Variants in DSG2 observed in about 807,000 individuals in gnomAD.
DSG2 encodes the protein desmoglein 2.
Under a neutral mutation model 75.6 loss-of-function variants are expected in DSG2, and 45 were observed. The observed-to-expected ratio is 0.60, with a 90% CI of 0.47 to 0.76. DSG2 has a LOEUF of 0.76. Ranked by LOEUF, DSG2 falls within the 30% of genes least tolerant of loss-of-function variation. The pLI is 0.00. For missense variants in DSG2, 1,267 were observed against 1,357.4 expected, an observed-to-expected ratio of 0.93 and a Z score of 1.05; for synonymous variants, 429 against 483.9, an observed-to-expected ratio of 0.89 and a Z score of 1.49.
At position 31,542,846 on chromosome 18, in the gene DSG2, C is replaced by A. The variant is rs771104668; in HGVS notation, c.2328C>A (p.Phe776Leu). 127 of 1,473,558 alleles carry A rather than the reference C, an allele frequency of 8.6e-5. No individual in the cohort carries two copies. The highest frequency in any genetic ancestry group is 1.1e-4 in the Non-Finnish European group (123 of 1,101,774). 91.3% of individuals were successfully genotyped at this position (1,473,558 alleles called of 1,614,324 possible). A position where few individuals can be genotyped will look rare whatever the true frequency, so the allele number is the denominator to read the frequency against. ...ACGAAGAATTCTTAAGAAATTATTT[C>A]ACTGATGTAAGGATGAGTTTTATGT... ...ALNEEFLRNY[F>L]TDKAASYTEE... is the part of the protein sequence containing the mutation. Residue 776 changes from phenylalanine to leucine, a missense_variant, in exon 14 of 15, where the codon TTC (phenylalanine) becomes TTA (leucine). By Grantham distance (22) the Phe-to-Leu change is conservative (BLOSUM62 0). Coordinates refer to ENST00000261590, the MANE Select transcript of DSG2 (RefSeq NM_001943.5).
At chr18:31,539,273 G>C (rs1050939912) in intron 12 of DSG2, among the ~76,000 whole-genome samples, 2 of 152,168 alleles carry the variant, frequency 1.3e-5, no homozygotes, top group Non-Finnish European at 2.9e-5. Context: ...GCAGCATGCT[G>C]TCTGTTCTCT....
intron 1 of DSG2, among the ~76,000 whole-genome samples, chr18:31,516,016 T>C (rs1175986188): frequency 6.6e-6 from 1 of 152,146 alleles, no homozygotes; most frequent in African/African-American, 2.4e-5. Context: ...GTCCAGTGAA[T>C]TAATGCATAA....
intron 1 of DSG2, among the ~76,000 whole-genome samples, chr18:31,515,465 C>T (rs1362163834): frequency 6.6e-6 from 1 of 152,092 alleles, no homozygotes; most frequent in Non-Finnish European, 1.5e-5. Context: ...CTCTCTGATC[C>T]AGGCACTGAT....
intron 11 of DSG2, among the ~76,000 whole-genome samples, chr18:31,537,598 G>A (rs905855935): frequency 7.3e-5 from 11 of 150,910 alleles, no homozygotes; most frequent in Non-Finnish European, 7.4e-5. Flanking sequence ...CAGCCTGGGT[G>A]ACAGAGCAAG....
chr18:31,531,600 C>T (rs988331591), intron 9 of DSG2, among the ~76,000 whole-genome samples: 5 of 152,178 alleles, frequency 3.3e-5, no homozygotes, highest in South Asian at 2.1e-4. Flanking sequence ...AGGGTGAGAA[C>T]GTAGCAGATA....
intron 10 of DSG2, among the ~76,000 whole-genome samples, chr18:31,535,832 C>CTGTACT (rs2073226707): frequency 6.6e-6 from 1 of 151,702 alleles, no homozygotes; most frequent in South Asian, 2.1e-4. Flanking sequence ...GTCTGTAGTC[C>CTGTACT]CAGCTACTCA....
rs2072994226 is a variant in DSG2, at chr18:31,498,267, G to A, written c.16G>A (p.Gly6Arg). 1 of 1,263,136 alleles carries A rather than the reference G, an allele frequency of 7.9e-7. No individual in the cohort carries two copies. Among genetic ancestry groups the A allele is most frequent in the Non-Finnish European group, 1.0e-6 (1 of 1,000,124 alleles). The allele number at this position is 1,263,136 out of a possible 1,614,324, so 78.2% of individuals were successfully genotyped here. ...CGAGGGTGCGATGGCGCGGAGCCCG[G>A]GACGCGCGTACGCCCTGCTGCTTCT... MARSP[G>R]RAYALLLLLI... The change falls in exon 1 of 15, where the codon GGA becomes AGA. Residue 6 changes from glycine (G) to arginine (R), a missense_variant. Transcript: ENST00000261590.
At chr18:31,545,515 A>G (rs2073298422) in intron 14 of DSG2, among the ~76,000 whole-genome samples, 1 of 151,724 alleles carries the variant, frequency 6.6e-6, no homozygotes, top group Non-Finnish European at 1.5e-5. Flanking sequence ...CTGCCTTTCT[A>G]TTTTTTCCCT....
chr18:31,511,994 A>G (rs532878986), intron 1 of DSG2, among the ~76,000 whole-genome samples: 5 of 152,192 alleles, frequency 3.3e-5, no homozygotes, highest in Admixed American at 6.5e-5. Context: ...AAGAAAAGAA[A>G]CATTACATTA....
chr18:31,529,232 C>T (rs1296454502), intron 8 of DSG2, among the ~76,000 whole-genome samples: 1 of 152,118 alleles, frequency 6.6e-6, no homozygotes, highest in Non-Finnish European at 1.5e-5. Context: ...ACACAGCGCT[C>T]TTGATACTGA....
At chr18:31,504,031 C>G (rs2073026865) in intron 1 of DSG2, among the ~76,000 whole-genome samples, 1 of 152,150 alleles carries the variant, frequency 6.6e-6, no homozygotes, top group Non-Finnish European at 1.5e-5. Context: ...TGTCTGGACC[C>G]TCTTTTTGAA....
intron 11 of DSG2, among the ~76,000 whole-genome samples, chr18:31,537,385 C>G (rs1011968606): frequency 6.6e-6 from 1 of 151,978 alleles, no homozygotes; most frequent in Non-Finnish European, 1.5e-5. Flanking sequence ...TTTGGGAGGC[C>G]AAGGCAGGCG....
chr18:31,502,148 A>G (rs1335409746), intron 1 of DSG2, among the ~76,000 whole-genome samples: 1 of 152,332 alleles, frequency 6.6e-6, no homozygotes, highest in Non-Finnish European at 1.5e-5. Flanking sequence ...ACAAAGAGAT[A>G]TGAGCATTCA....
rs1255608052 is a variant in DSG2 at position 31,524,433 on chromosome 18, T to C, written c.691-15T>C. 14 of 1,614,034 alleles carry C rather than the reference T, an allele frequency of 8.7e-6. No individual in the cohort carries two copies. Among genetic ancestry groups the C allele is most frequent in the Non-Finnish European group, 1.2e-5 (14 of 1,180,008 alleles). ...ACTCTTTTCACCCAGCTGGACATTT[T>C]TCATTGCTCTGCAGGAACACAGCAG... On this transcript the variant is annotated splice_polypyrimidine_tract_variant and intron_variant, in intron 6 of 14. Coordinates refer to ENST00000261590, the MANE Select transcript of DSG2 (RefSeq NM_001943.5).
Position 31,520,866 on chromosome 18 carries a change from A to G in DSG2, c.280A>G (p.Ile94Val), listed in dbSNP as rs1255431124. The G allele has an allele frequency of 6.2e-7, 1 of 1,613,736 alleles. No individual in the cohort carries two copies. Among genetic ancestry groups the G allele is most frequent in the African/African-American group, 1.3e-5 (1 of 74,910 alleles). ...KITYKYTGKGITEPPFGIFVF... is the reference protein window; with the variant it reads ...KITYKYTGKGVTEPPFGIFVF... ...TACTTACAAATACACTGGAAAAGGG[A>G]TTACAGAGCCACCTTTTGGTATATT... Residue 94 changes from isoleucine (I) to valine (V), a missense_variant, in exon 4 of 15, where the codon ATT becomes GTT. Physicochemically the swap from Ile to Val is conservative, Grantham distance 29. Transcript: ENST00000261590.
At chr18:31,533,708 G>A (rs1050010603) in intron 9 of DSG2, among the ~76,000 whole-genome samples, 1 of 152,146 alleles carries the variant, frequency 6.6e-6, no homozygotes, top group African/African-American at 2.4e-5. Context: ...TTTCAGACAT[G>A]AAATTCAAAA....
At chr18:31,539,370 G>A (rs780489505) in intron 12 of DSG2, among the ~76,000 whole-genome samples, 14 of 152,142 alleles carry the variant, frequency 9.2e-5, no homozygotes, top group Non-Finnish European at 1.9e-4. Context: ...TGGGTTATGG[G>A]CACAAGGTTT....
chr18:31,505,404 C>T (rs904771452), intron 1 of DSG2, among the ~76,000 whole-genome samples: 4 of 152,156 alleles, frequency 2.6e-5, no homozygotes, highest in Admixed American at 2.0e-4. Flanking sequence ...TTTTTATAGC[C>T]GTCAGTTATA....
Position 31,535,428 on chromosome 18 carries a change from G to A in DSG2, c.1423+16G>A. On this transcript the variant is annotated intron_variant, in intron 10 of 14. Transcript: ENST00000261590. ...ATATCAGAAGGTAAGTTATTAAATA[G>A]ATCTTTTTCTTGATTATATGTATTT... 6.3e-7 allele frequency: 1 copy of A among 1,579,554 alleles called. No individual in the cohort carries two copies. The highest frequency in any genetic ancestry group is 8.7e-7 in the Non-Finnish European group (1 of 1,150,562).
Sources: gnomAD v4.1 joint callset for allele counts (sites outside exome capture counted in the v4.1 genomes callset) on GRCh38, gnomAD v4.1.1 for gene constraint, MANE v1.5 for transcripts, NCBI Gene and HGNC (gene_info 2026-07-23, HGNC 2026-07-21) for gene names.